The following PCDHB1 variants were observed in gnomAD, a reference collection of about 807,000 sequenced individuals.
PCDHB1 encodes the protein protocadherin beta-1.
PCDHB1 carries 44 observed loss-of-function variants against 43.5 expected under a neutral mutation model. The ratio of observed to expected loss-of-function variants is 1.01; its 90% CI spans 0.79 to 1.30. PCDHB1 has a LOEUF of 1.30. Among genes scored for constraint, PCDHB1 ranks in the 50% most tolerant of loss-of-function variants. The pLI is 0.00. For missense variants in PCDHB1, 919 were observed against 1,008.9 expected (o/e 0.91, Z 1.21); for synonymous variants, 392 against 400.8 (o/e 0.98, Z 0.26).
Position 141,053,897 on chromosome 5 carries a change from C to G in PCDHB1, c.2427C>G (p.Gly809=). The change falls in exon 1 of 1, where the codon GGC becomes GGG. Residue 809 remains glycine, a synonymous_variant. Coordinates refer to ENST00000306549, the MANE Select transcript of PCDHB1 (RefSeq NM_013340.4). ...SDRNKSQRLE[G]HDQVSDDYM ...GGAATAAGTCTCAGAGATTAGAGGG[C>G]CATGACCAGGTATCTGATGACTATA... is the stretch of plus-strand genomic sequence containing the variant. 1 of 1,613,934 alleles carries G rather than the reference C, an allele frequency of 6.2e-7. No individual in the cohort carries two copies. Among genetic ancestry groups the G allele is most frequent in the Non-Finnish European group, 8.5e-7 (1 of 1,179,892 alleles).
Position 141,052,072 on chromosome 5 carries a change from A to C in PCDHB1, c.602A>C (p.Asp201Ala). 1 of 1,614,110 alleles carries C rather than the reference A, an allele frequency of 6.2e-7. No homozygotes were observed. Among genetic ancestry groups the C allele is most frequent in the Non-Finnish European group, 8.5e-7 (1 of 1,180,016 alleles). The change falls in exon 1 of 1, where the codon GAC becomes GCC. Residue 201 changes from aspartate (D) to alanine (A), a missense_variant. Asp to Ala is a moderately radical substitution (Grantham distance 126). Coordinates refer to ENST00000306549, the MANE Select transcript of PCDHB1 (RefSeq NM_013340.4). ...GAGCTGGTGCTGAACAAACCCCTGG[A>C]CCGAGAGGAGCAGCCTGAAGTCAAC... ...YAELVLNKPLDREEQPEVNLT... is the reference protein window; with the variant it reads ...YAELVLNKPLAREEQPEVNLT...
Position 141,051,485 on chromosome 5 carries a change from C to T in PCDHB1, c.15C>T (p.Arg5=), listed in dbSNP as rs143333056. The change falls in exon 1 of 1, where the codon CGC becomes CGT. Residue 5 remains arginine (R), a synonymous_variant. Coordinates refer to ENST00000306549, the MANE Select transcript of PCDHB1 (RefSeq NM_013340.4). MAGT[R]RKSLQNRQVG... ...TGTGAGAACTGATGGCGGGTACGCG[C>T]AGAAAATCTTTGCAAAACAGGCAAG... 165 of 1,613,872 alleles carry T rather than the reference C, an allele frequency of 1.0e-4. No individual in the cohort carries two copies. The highest frequency in any genetic ancestry group is 1.4e-4 in the Non-Finnish European group (161 of 1,179,836).
In PCDHB1 at chr5:141,058,944, A is replaced by G. The variant is rs1306788261; in HGVS notation, c.*5017A>G. On this transcript the variant is annotated 3_prime_UTR_variant, in exon 1 of 1. Transcript: ENST00000306549. ...AATCCTATCATTTACTTTGTTGTTC[A>G]GCAAACTCTTTTATCTGAGATGAAG... The G allele has an allele frequency of 2.0e-5, 3 of 152,158 alleles. No homozygotes were observed. Among genetic ancestry groups the G allele is most frequent in the African/African-American group, 7.2e-5 (3 of 41,446 alleles). The allele number at this position is 152,158 out of a possible 1,614,324, so 9.4% of individuals were successfully genotyped here. A position where few individuals can be genotyped will look rare whatever the true frequency, so the allele number is the denominator to read the frequency against.
chr5:141,052,130 G>A lies in PCDHB1; in HGVS notation c.660G>A (p.Pro220=), dbSNP rs782104351. 3.7e-6 allele frequency: 6 copies of A among 1,612,606 alleles called. No individual in the cohort carries two copies. The highest frequency in any genetic ancestry group is 5.1e-6 in the Non-Finnish European group (6 of 1,179,434). Residue 220 remains proline, a synonymous_variant, in exon 1 of 1, where the codon CCG becomes CCA. Coordinates refer to ENST00000306549, the MANE Select transcript of PCDHB1 (RefSeq NM_013340.4). ...TTACGGCGGTGGACGGCGGGTCCCC[G>A]CCTAAGTCTGGCACAGCTCACATCC... is the stretch of plus-strand genomic sequence containing the variant. ...LTITAVDGGS[P]PKSGTAHIHV...
At position 141,053,403 on chromosome 5, in the gene PCDHB1, G is replaced by T. The variant is rs1751046954; in HGVS notation, c.1933G>T (p.Val645Phe). Residue 645 changes from valine (V) to phenylalanine (F), a missense_variant, in exon 1 of 1, where the codon GTT (valine) becomes TTT (phenylalanine). Coordinates refer to ENST00000306549, the MANE Select transcript of PCDHB1 (RefSeq NM_013340.4). ...CATGATGCAGAAATTGATCATTCTTGTTCAGGATCACGGCCAACCAGCTCT... is the reference window on the plus strand; with the variant it reads ...CATGATGCAGAAATTGATCATTCTTTTTCAGGATCACGGCCAACCAGCTCT... ...DPMMQKLIILVQDHGQPALST... is the reference protein window; with the variant it reads ...DPMMQKLIILFQDHGQPALST... 4 of 1,614,046 alleles carry T rather than the reference G, an allele frequency of 2.5e-6. No individual in the cohort carries two copies. The highest frequency in any genetic ancestry group is 1.6e-4 in the Middle Eastern group (1 of 6,084).
chr5:141,051,427 G>T lies in PCDHB1; in HGVS notation c.-44G>T. The T allele has an allele frequency of 6.3e-7, 1 of 1,599,378 alleles. No individual in the cohort carries two copies. Among genetic ancestry groups the T allele is most frequent in the Non-Finnish European group, 8.6e-7 (1 of 1,169,516 alleles). ...GTTGCAGAAAAGTGAAAGTATATCCGCAACAGTTGGCTCTGATTGCAGAGA... is the reference window on the plus strand; with the variant it reads ...GTTGCAGAAAAGTGAAAGTATATCCTCAACAGTTGGCTCTGATTGCAGAGA... On this transcript the variant is annotated 5_prime_UTR_variant, in exon 1 of 1. Transcript: ENST00000306549.
chr5:141,058,039 T>C lies in PCDHB1; in HGVS notation c.*4112T>C, dbSNP rs1167954318. ...CATAAAATTGCAAAAATACTATAGA[T>C]AGTTCCTGTATATCCTTCACCTAAC... On this transcript the variant is annotated 3_prime_UTR_variant, in exon 1 of 1. Transcript: ENST00000306549. The C allele has an allele frequency of 1.3e-5, 2 of 152,240 alleles. No homozygotes were observed. The highest frequency in any genetic ancestry group is 2.4e-5 in the African/African-American group (1 of 41,470). The allele number at this position is 152,240 out of a possible 1,614,324, so 9.4% of individuals were successfully genotyped here. A position where few individuals can be genotyped will look rare whatever the true frequency, so the allele number is the denominator to read the frequency against.
chr5:141,059,268 C>G lies in PCDHB1; in HGVS notation c.*5341C>G, dbSNP rs1751192071. 6.6e-6 allele frequency: 1 copy of G among 152,036 alleles called. No homozygotes were observed. Among genetic ancestry groups the G allele is most frequent in the South Asian group, 2.1e-4 (1 of 4,824 alleles). 9.4% of individuals were successfully genotyped at this position (152,036 alleles called of 1,614,324 possible). On this transcript the variant is annotated 3_prime_UTR_variant, in exon 1 of 1. Transcript: ENST00000306549. ...AATAGACTTATATGCTGAAATTAGACTTACAGATATACAAAAAATGGAATT... is the reference window on the plus strand; with the variant it reads ...AATAGACTTATATGCTGAAATTAGAGTTACAGATATACAAAAAATGGAATT...
At position 141,054,093 on chromosome 5, in the gene PCDHB1, A is replaced by G; in HGVS notation, c.*166A>G. ...GGAAACCTAGAGTGAGGCTAGGCTT[A>G]CTCAATACAAAGCAGTTATCCTGAT... On this transcript the variant is annotated 3_prime_UTR_variant, in exon 1 of 1. Transcript: ENST00000306549. 1 of 603,110 alleles carries G rather than the reference A, an allele frequency of 1.7e-6. No homozygotes were observed. The allele number at this position is 603,110 out of a possible 1,614,324, so 37.4% of individuals were successfully genotyped here.
chr5:141,052,780 T>C lies in PCDHB1; in HGVS notation c.1310T>C (p.Met437Thr). 4 of 1,614,192 alleles carry C rather than the reference T, an allele frequency of 2.5e-6. No homozygotes were observed. Among genetic ancestry groups the C allele is most frequent in the East Asian group, 2.2e-5 (1 of 44,882 alleles). The part of the protein sequence containing the change: ...TGPPSLSAET[M>T]IEVLISDVND... ...CCACCTAGCTTGTCTGCCGAGACTA[T>C]GATAGAGGTGCTAATATCCGACGTT... is the stretch of plus-strand genomic sequence containing the variant. Residue 437 changes from methionine (M) to threonine (T), a missense_variant, in exon 1 of 1, where the codon ATG becomes ACG. Met to Thr is a moderately conservative substitution (Grantham distance 81). Coordinates refer to ENST00000306549, the MANE Select transcript of PCDHB1 (RefSeq NM_013340.4).
chr5:141,053,216 G>C lies in PCDHB1; in HGVS notation c.1746G>C (p.Glu582Asp). Residue 582 changes from glutamate to aspartate, a missense_variant, in exon 1 of 1, where the codon GAG becomes GAC. Coordinates refer to ENST00000306549, the MANE Select transcript of PCDHB1 (RefSeq NM_013340.4). ...PCNDLVPRSA[E>D]AGYLVTKVVA... ...ATGACCTGGTGCCCAGGTCTGCAGAGGCAGGCTACCTAGTGACCAAAGTGG... is the reference window on the plus strand; with the variant it reads ...ATGACCTGGTGCCCAGGTCTGCAGACGCAGGCTACCTAGTGACCAAAGTGG... The C allele has an allele frequency of 6.2e-7, 1 of 1,614,236 alleles. No individual in the cohort carries two copies.
chr5:141,052,943 G>C lies in PCDHB1; in HGVS notation c.1473G>C (p.Leu491=), dbSNP rs782209457. The C allele has an allele frequency of 6.2e-7, 1 of 1,614,182 alleles. No homozygotes were observed. The highest frequency in any genetic ancestry group is 8.5e-7 in the Non-Finnish European group (1 of 1,180,020). Reference sequence around the variant, plus strand: ...AGAATGCCCAAATAACATATTCTCTGTTGCCTCCAAAAAACGGAGATCTTT... The same window carrying C: ...AGAATGCCCAAATAACATATTCTCTCTTGCCTCCAAAAAACGGAGATCTTT... ...LGENAQITYS[L]LPPKNGDLSV... is the part of the protein sequence containing the mutation. Residue 491 remains leucine, a synonymous_variant, in exon 1 of 1, where the codon CTG becomes CTC. Coordinates refer to ENST00000306549, the MANE Select transcript of PCDHB1 (RefSeq NM_013340.4).
Position 141,052,793 on chromosome 5 carries a change from A to G in PCDHB1, c.1323A>G (p.Leu441=), listed in dbSNP as rs1554267315. 3 of 1,614,172 alleles carry G rather than the reference A, an allele frequency of 1.9e-6. No individual in the cohort carries two copies. Among genetic ancestry groups the G allele is most frequent in the Non-Finnish European group, 2.5e-6 (3 of 1,180,030 alleles). The part of the protein sequence containing the change: ...SLSAETMIEV[L]ISDVNDNPPI... ...CTGCCGAGACTATGATAGAGGTGCT[A>G]ATATCCGACGTTAATGACAATCCTC... Residue 441 remains leucine (L), a synonymous_variant, in exon 1 of 1, where the codon CTA becomes CTG. Coordinates refer to ENST00000306549, the MANE Select transcript of PCDHB1 (RefSeq NM_013340.4).
In PCDHB1 at chr5:141,051,612, G is replaced by C; in HGVS notation, c.142G>C (p.Val48Leu). ...EMESGSFVAN[V>L]AKDLGLEVGK... ...GGAGAGCGGCTCGTTTGTGGCCAAC[G>C]TAGCTAAGGACCTAGGACTGGAGGT... is the stretch of plus-strand genomic sequence containing the variant. The change falls in exon 1 of 1, where the codon GTA becomes CTA. Residue 48 changes from valine (V) to leucine (L), a missense_variant. By Grantham distance (32) the Val-to-Leu change is conservative. Transcript: ENST00000306549. 6.2e-7 allele frequency: 1 copy of C among 1,614,230 alleles called. No homozygotes were observed. Among genetic ancestry groups the C allele is most frequent in the Non-Finnish European group, 8.5e-7 (1 of 1,180,042 alleles).
rs1398297836 is a variant in PCDHB1, at chr5:141,054,228, C to A, written c.*301C>A. 1.4e-5 allele frequency: 4 copies of A among 280,154 alleles called. 1 individual carries two copies. Among genetic ancestry groups the A allele is most frequent in the South Asian group, 1.8e-4 (2 of 11,064 alleles). The allele number at this position is 280,154 out of a possible 1,614,324, so 17.4% of individuals were successfully genotyped here. On this transcript the variant is annotated 3_prime_UTR_variant, in exon 1 of 1. Coordinates refer to ENST00000306549, the MANE Select transcript of PCDHB1 (RefSeq NM_013340.4). ...GAACTTCTGCTTTTCCATCTCTGTG[C>A]TAGCAAGTAATGAATAAGCCATTAT...
At position 141,051,432 on chromosome 5, in the gene PCDHB1, A is replaced by G. The variant is rs368457720; in HGVS notation, c.-39A>G. ...AGAAAAGTGAAAGTATATCCGCAAC[A>G]GTTGGCTCTGATTGCAGAGAGCGCG... On this transcript the variant is annotated 5_prime_UTR_variant, in exon 1 of 1. Coordinates refer to ENST00000306549, the MANE Select transcript of PCDHB1 (RefSeq NM_013340.4). The G allele has an allele frequency of 6.2e-7, 1 of 1,605,860 alleles. No homozygotes were observed. Among genetic ancestry groups the G allele is most frequent in the African/African-American group, 1.3e-5 (1 of 74,772 alleles).
In PCDHB1 at chr5:141,053,757, A is replaced by G. The variant is rs374317987; in HGVS notation, c.2287A>G (p.Thr763Ala). Residue 763 changes from threonine to alanine, a missense_variant, in exon 1 of 1, where the codon ACT (threonine) becomes GCT (alanine). Physicochemically the swap from Thr to Ala is moderately conservative, Grantham distance 58 (BLOSUM62 0). Transcript: ENST00000306549. ...ATATGAAATGTGTTCAGCCACTGGC[A>G]CTGGTAATAGTGAGTTTCGCTTTCT... The part of the protein sequence containing the change: ...CPYEMCSATG[T>A]GNSEFRFLKR... The G allele has an allele frequency of 9.9e-6, 16 of 1,614,096 alleles. No homozygotes were observed. Among genetic ancestry groups the G allele is most frequent in the Non-Finnish European group, 1.7e-6 (2 of 1,180,026 alleles).
Position 141,052,921 on chromosome 5 carries a change from A to G in PCDHB1, c.1451A>G (p.Asn484Ser). Residue 484 changes from asparagine (N) to serine (S), a missense_variant, in exon 1 of 1, where the codon AAT becomes AGT. Transcript: ENST00000306549. ...GCTGAGGATCTTGATTTGGGTGAGA[A>G]TGCCCAAATAACATATTCTCTGTTG... The part of the protein sequence containing the change: ...VHAEDLDLGE[N>S]AQITYSLLPP... 6.2e-7 allele frequency: 1 copy of G among 1,614,206 alleles called. No individual in the cohort carries two copies.
chr5:141,052,053 G>A lies in PCDHB1; in HGVS notation c.583G>A (p.Val195Met), dbSNP rs1750990074. The A allele has an allele frequency of 6.2e-7, 1 of 1,614,034 alleles. No individual in the cohort carries two copies. Among genetic ancestry groups the A allele is most frequent in the African/African-American group, 1.3e-5 (1 of 74,928 alleles). Residue 195 changes from valine to methionine, a missense_variant, in exon 1 of 1, where the codon GTG (valine) becomes ATG (methionine). Physicochemically the swap from Val to Met is conservative, Grantham distance 21 (BLOSUM62 1). Coordinates refer to ENST00000306549, the MANE Select transcript of PCDHB1 (RefSeq NM_013340.4). ...CSHGPKYAEL[V>M]LNKPLDREEQ... ...CCACGGGCCTAAATATGCTGAGCTGGTGCTGAACAAACCCCTGGACCGAGA... is the reference window on the plus strand; with the variant it reads ...CCACGGGCCTAAATATGCTGAGCTGATGCTGAACAAACCCCTGGACCGAGA...
Sources: allele counts gnomAD v4.1 joint callset, GRCh38; gene constraint gnomAD v4.1.1; transcripts MANE v1.5; gene names NCBI Gene and HGNC (gene_info 2026-07-23, HGNC 2026-07-21).